Variants in CBFA2T3 observed in about 807,000 individuals in gnomAD.
CBFA2T3 encodes the protein transcriptional corepressor CBFA2T3.
Under a neutral mutation model 58.6 loss-of-function variants are expected in CBFA2T3, and 31 were observed. The ratio of observed to expected loss-of-function variants is 0.53; its 90% CI spans 0.40 to 0.71. CBFA2T3 has a LOEUF of 0.71. Among genes scored for constraint, CBFA2T3 ranks in the 30% least tolerant of loss-of-function variants. The pLI is 0.00. For missense variants in CBFA2T3, 1,076 were observed against 963.1 expected, an observed-to-expected ratio of 1.12 and a Z score of -1.55; for synonymous variants, 531 against 421.9, an observed-to-expected ratio of 1.26 and a Z score of -3.17.
At chr16:88,932,629 A>G (rs1301798243) in intron 1 of CBFA2T3, among the ~76,000 whole-genome samples, 1 of 151,582 alleles carries the variant, frequency 6.6e-6, no homozygotes, top group Non-Finnish European at 1.5e-5. Context: ...CCTGAGCGAT[A>G]GAGGGAGACC....
chr16:88,878,554 C>G (rs1968928590), intron 11 of CBFA2T3, among the ~76,000 whole-genome samples: 1 of 152,264 alleles, frequency 6.6e-6, no homozygotes, highest in Non-Finnish European at 1.5e-5. Flanking sequence ...TCGTAATTCT[C>G]AGGCCTGCCG....
At chr16:88,931,464 C>T (rs774675724) in intron 1 of CBFA2T3, among the ~76,000 whole-genome samples, 2 of 152,078 alleles carry the variant, frequency 1.3e-5, no homozygotes, top group South Asian at 2.1e-4. Context: ...CTTTCCAACC[C>T]GAAGGTCTCC....
intron 1 of CBFA2T3, among the ~76,000 whole-genome samples, chr16:88,918,961 G>C (rs1970827083): frequency 6.6e-6 from 1 of 152,250 alleles, no homozygotes; most frequent in African/African-American, 2.4e-5. Flanking sequence ...TTTATTCAAA[G>C]ACCTGTGCTG....
intron 1 of CBFA2T3, among the ~76,000 whole-genome samples, chr16:88,916,028 A>G (rs138660111): frequency 1.1e-4 from 16 of 143,808 alleles, no homozygotes; most frequent in African/African-American, 3.9e-4. Flanking sequence ...CCGTGTGTAT[A>G]TGTGTGCACT....
At chr16:88,922,807 G>A (rs1448388534) in intron 1 of CBFA2T3, among the ~76,000 whole-genome samples, 6 of 152,226 alleles carry the variant, frequency 3.9e-5, no homozygotes, top group Non-Finnish European at 5.9e-5. Flanking sequence ...GCCCCTGCGT[G>A]GTTTCACATG....
chr16:88,880,797 G>C lies in CBFA2T3; in HGVS notation c.1403-9C>G. Reference sequence around the variant, plus strand: ...GAACTCGCGAGGCACGTCTGAAACAGGGGCCGGCGTCACACAGGATGGGCC... The same window carrying C: ...GAACTCGCGAGGCACGTCTGAAACACGGGCCGGCGTCACACAGGATGGGCC... On this transcript the variant is annotated splice_polypyrimidine_tract_variant and intron_variant, in intron 9 of 11. Coordinates refer to ENST00000268679, the MANE Select transcript of CBFA2T3 (RefSeq NM_005187.6). The C allele has an allele frequency of 6.3e-7, 1 of 1,575,832 alleles. No individual in the cohort carries two copies. Among genetic ancestry groups the C allele is most frequent in the Non-Finnish European group, 8.6e-7 (1 of 1,160,362 alleles).
In CBFA2T3 at chr16:88,876,858, C is replaced by A; in HGVS notation, c.*118G>T. 1.3e-6 allele frequency: 1 copy of A among 797,352 alleles called. No individual in the cohort carries two copies. Among genetic ancestry groups the A allele is most frequent in the South Asian group, 2.3e-5 (1 of 43,506 alleles). 49.4% of individuals were successfully genotyped at this position (797,352 alleles called of 1,614,324 possible). On this transcript the variant is annotated 3_prime_UTR_variant, in exon 12 of 12. Transcript: ENST00000268679. Reference sequence around the variant, plus strand: ...GACTAATTGGTCGGCTCCCCCAGGTCAGGCGGGGCGCAGTGTCTGGCAGGC... The same window carrying A: ...GACTAATTGGTCGGCTCCCCCAGGTAAGGCGGGGCGCAGTGTCTGGCAGGC...
chr16:88,891,427 G>T (rs1394198399), intron 5 of CBFA2T3, among the ~76,000 whole-genome samples: 1 of 152,170 alleles, frequency 6.6e-6, no homozygotes, highest in East Asian at 1.9e-4. Context: ...GAGTGGCTGT[G>T]GACCGAACGC....
chr16:88,910,895 C>T (rs1244800060), intron 1 of CBFA2T3, among the ~76,000 whole-genome samples: 1 of 152,210 alleles, frequency 6.6e-6, no homozygotes. Context: ...CCCCCAGCCC[C>T]CAGCCTCCAG....
At position 88,881,188 on chromosome 16, in the gene CBFA2T3, G is replaced by A. The variant is rs538446483; in HGVS notation, c.1402+103C>T. ...AGGTGCCTCTTTCTCAAGCGAAACTGTTCTGCCTGGTGTTTCGTTGCATTG... is the reference window on the plus strand; with the variant it reads ...AGGTGCCTCTTTCTCAAGCGAAACTATTCTGCCTGGTGTTTCGTTGCATTG... On this transcript the variant is annotated intron_variant, in intron 9 of 11. Coordinates refer to ENST00000268679, the MANE Select transcript of CBFA2T3 (RefSeq NM_005187.6). 1.1e-5 allele frequency: 12 copies of A among 1,046,212 alleles called. 1 individual carries two copies. Among genetic ancestry groups the A allele is most frequent in the Admixed American group, 5.2e-5 (3 of 58,192 alleles). 64.8% of individuals were successfully genotyped at this position (1,046,212 alleles called of 1,614,324 possible).
chr16:88,929,432 AC>A (rs1971202405), intron 1 of CBFA2T3, among the ~76,000 whole-genome samples: 1 of 152,128 alleles, frequency 6.6e-6, no homozygotes, highest in African/African-American at 2.4e-5. Context: ...ATCCCTTGAA[AC>A]CCCGTGGACA....
chr16:88,949,346 G>A (rs1971986364), intron 1 of CBFA2T3, among the ~76,000 whole-genome samples: 2 of 152,138 alleles, frequency 1.3e-5, no homozygotes, highest in Non-Finnish European at 2.9e-5. Flanking sequence ...ATCACTTGAG[G>A]TCAGCAGTTC....
chr16:88,894,560 A>G (rs202080196), intron 3 of CBFA2T3, among the ~76,000 whole-genome samples: 18,044 of 107,922 alleles, frequency 0.17, 1,968 homozygotes, highest in East Asian at 0.4. Context: ...ACACATGCAC[A>G]CACACATGCA....
Position 88,892,068 on chromosome 16 carries a change from C to T in CBFA2T3, c.622-97G>A, listed in dbSNP as rs537668795. ...GAGGAGGAGGCTTCCGTGTTGGAGG[C>T]AGGCAGGCAGCCCAGGAGCTGGGCA... On this transcript the variant is annotated intron_variant, in intron 4 of 11. Coordinates refer to ENST00000268679, the MANE Select transcript of CBFA2T3 (RefSeq NM_005187.6). 54 of 1,364,994 alleles carry T rather than the reference C, an allele frequency of 4.0e-5. No individual in the cohort carries two copies. The East Asian group carries it at 1.1e-3, about 29-fold the overall frequency. 84.6% of individuals were successfully genotyped at this position (1,364,994 alleles called of 1,614,324 possible). A position where few individuals can be genotyped will look rare whatever the true frequency, so the allele number is the denominator to read the frequency against.
intron 1 of CBFA2T3, among the ~76,000 whole-genome samples, chr16:88,916,521 G>A (rs916502692): frequency 6.6e-6 from 1 of 152,128 alleles, no homozygotes; most frequent in African/African-American, 2.4e-5. Context: ...TGTGCATGTT[G>A]TCTGGTAAGG....
rs1476248342 is a variant in CBFA2T3 at position 88,915,963 on chromosome 16, T to G, written c.152-14307A>C. 2.6e-5 allele frequency among the ~76,000 whole-genome samples: 4 copies of G among 152,088 alleles called. No individual in the cohort carries two copies. The East Asian group carries it at 7.7e-4, about 29-fold the overall frequency. ...GTGTGCATGCATGAGTGTACGTGGG[T>G]GCATGGGTCTGTATTCATGTGTGTC... is the stretch of plus-strand genomic sequence containing the variant. On this transcript the variant is annotated intron_variant, in intron 1 of 11. Coordinates refer to ENST00000268679, the MANE Select transcript of CBFA2T3 (RefSeq NM_005187.6).
intron 3 of CBFA2T3, among the ~76,000 whole-genome samples, chr16:88,897,229 G>A (rs1415686700): frequency 2.0e-5 from 3 of 152,264 alleles, no homozygotes; most frequent in South Asian, 2.1e-4. Flanking sequence ...CGCCAGGCGC[G>A]AGTGCGTGGC....
At chr16:88,880,442 G>A (rs1421436182) in intron 10 of CBFA2T3, among the ~76,000 whole-genome samples, 1 of 152,228 alleles carries the variant, frequency 6.6e-6, no homozygotes, top group Non-Finnish European at 1.5e-5. Flanking sequence ...GAGTGTGTGC[G>A]CTTCTGCGTG....
intron 2 of CBFA2T3, among the ~76,000 whole-genome samples, chr16:88,898,501 C>A (rs1371565554): frequency 6.6e-6 from 1 of 152,234 alleles, no homozygotes; most frequent in East Asian, 1.9e-4. Context: ...CCCTAAGGGC[C>A]GTTCTGGCAG....
Sources: gnomAD v4.1 joint callset for allele counts (sites outside exome capture counted in the v4.1 genomes callset) on GRCh38, gnomAD v4.1.1 for gene constraint, MANE v1.5 for transcripts, NCBI Gene and HGNC (gene_info 2026-07-23, HGNC 2026-07-21) for gene names.